ZFAND3: variants seen among roughly 807,000 people sequenced by gnomAD.
The protein encoded by ZFAND3 is zinc finger AN1-type containing 3, also known as AN1-type zinc finger protein 3.
Under a neutral mutation model 29.6 loss-of-function variants are expected in ZFAND3, and 10 were observed. That is an observed-to-expected ratio of 0.34 (90% CI 0.21 to 0.57). The LOEUF is 0.57. ZFAND3 is among the 20% of genes least tolerant of loss of function. The pLI is 0.86. For synonymous variants in ZFAND3, 128 were observed against 112.6 expected (o/e 1.14, Z -0.87); for missense variants, 230 against 304.5 (o/e 0.76, Z 1.82).
At chr6:38,144,189 AT>A (rs1562015726) in intron 5 of ZFAND3, among the ~76,000 whole-genome samples, 4 of 41,772 alleles carry the variant, frequency 9.6e-5, no homozygotes, top group Admixed American at 3.8e-4. Flanking sequence ...TATATAATAT[AT>A]ATATATATAT....
intron 5 of ZFAND3, among the ~76,000 whole-genome samples, chr6:38,150,647 C>T (rs943009727): frequency 5.9e-5 from 9 of 152,194 alleles, no homozygotes; most frequent in African/African-American, 1.4e-4. Context: ...TGCTTGGGCT[C>T]TTGCTGTTCT....
intron 3 of ZFAND3, among the ~76,000 whole-genome samples, chr6:38,080,428 A>G (rs919247365): frequency 2.0e-5 from 3 of 152,162 alleles, no homozygotes; most frequent in African/African-American, 7.2e-5. Flanking sequence ...AGTAGATAAC[A>G]GTGTGATTCT....
chr6:38,141,797 T>A (rs1765962119), intron 5 of ZFAND3, among the ~76,000 whole-genome samples: 1 of 151,436 alleles, frequency 6.6e-6, no homozygotes, highest in South Asian at 2.1e-4. Flanking sequence ...GGGAAGGGGG[T>A]CAGAGTCATA....
At chr6:38,032,794 G>T (rs1056068160) in intron 2 of ZFAND3, among the ~76,000 whole-genome samples, 3 of 152,166 alleles carry the variant, frequency 2.0e-5, no homozygotes, top group African/African-American at 7.2e-5. Flanking sequence ...TACCATGAAC[G>T]TAGAAAACTT....
intron 1 of ZFAND3, among the ~76,000 whole-genome samples, chr6:37,920,758 A>G (rs565682867): frequency 6.6e-6 from 1 of 152,346 alleles, no homozygotes; most frequent in South Asian, 2.1e-4. Context: ...CATGGTCTGA[A>G]TGATTTAGAG....
At chr6:37,967,403 G>A (rs992809257) in intron 2 of ZFAND3, among the ~76,000 whole-genome samples, 1 of 152,082 alleles carries the variant, frequency 6.6e-6, no homozygotes. Flanking sequence ...AGCTCACCTT[G>A]TACTTTCTGC....
chr6:37,890,948 C>T lies in ZFAND3; in HGVS notation c.72-39011C>T, dbSNP rs536211471. On this transcript the variant is annotated intron_variant, in intron 1 of 5. Coordinates refer to ENST00000287218, the MANE Select transcript of ZFAND3 (RefSeq NM_021943.3). ...CACACTAATCTCTTTACAGAAACAT[C>T]GGAAGATGAGCAGAAACTGTCAGAA... is the stretch of plus-strand genomic sequence containing the variant. Among the ~76,000 whole-genome samples, 152 of 152,306 alleles carry T rather than the reference C, an allele frequency of 1.0e-3. 1 individual carries two copies. Among genetic ancestry groups the T allele is most frequent in the Non-Finnish European group, 1.7e-3 (118 of 68,022 alleles).
intron 2 of ZFAND3, among the ~76,000 whole-genome samples, chr6:38,034,028 A>G (rs1036900435): frequency 6.6e-6 from 1 of 152,124 alleles, no homozygotes; most frequent in Non-Finnish European, 1.5e-5. Context: ...TTGTGCATTG[A>G]TTTTCTAACC....
chr6:37,924,981 G>T (rs1487665887), intron 1 of ZFAND3, among the ~76,000 whole-genome samples: 1 of 152,006 alleles, frequency 6.6e-6, no homozygotes, highest in Non-Finnish European at 1.5e-5. Context: ...CAGAGAAAAG[G>T]CAAGCATGGT....
At chr6:38,131,688 C>A (rs1765745561) in intron 5 of ZFAND3, among the ~76,000 whole-genome samples, 1 of 152,232 alleles carries the variant, frequency 6.6e-6, no homozygotes, top group South Asian at 2.1e-4. Context: ...CTCAAAAAAT[C>A]TCAGCAGGCA....
At chr6:37,874,621 C>T (rs1764759643) in intron 1 of ZFAND3, among the ~76,000 whole-genome samples, 1 of 152,040 alleles carries the variant, frequency 6.6e-6, no homozygotes, top group Non-Finnish European at 1.5e-5. Context: ...CTCTGTAAGA[C>T]CCCATGTCCA....
chr6:38,020,805 A>G (rs1205441988), intron 2 of ZFAND3, among the ~76,000 whole-genome samples: 5 of 152,158 alleles, frequency 3.3e-5, no homozygotes, highest in African/African-American at 1.2e-4. Flanking sequence ...CTGCCAGGAT[A>G]TGTCCACTAC....
intron 1 of ZFAND3, among the ~76,000 whole-genome samples, chr6:37,828,441 A>G (rs1763797425): frequency 6.6e-6 from 1 of 152,192 alleles, no homozygotes; most frequent in African/African-American, 2.4e-5. Flanking sequence ...GTACTGGCAA[A>G]ATCGTCTCCT....
intron 2 of ZFAND3, among the ~76,000 whole-genome samples, chr6:37,954,037 A>T (rs1762044561): frequency 6.6e-6 from 1 of 152,146 alleles, no homozygotes; most frequent in Non-Finnish European, 1.5e-5. Context: ...TATTTTAAAG[A>T]TACTGCTCCA....
intron 2 of ZFAND3, among the ~76,000 whole-genome samples, chr6:37,950,612 C>T (rs964331503): frequency 2.0e-5 from 3 of 152,242 alleles, no homozygotes; most frequent in Admixed American, 1.3e-4. Flanking sequence ...CTCCTGACCT[C>T]AGGTGATCCA....
chr6:37,883,878 G>A (rs905636146), intron 1 of ZFAND3, among the ~76,000 whole-genome samples: 2 of 144,824 alleles, frequency 1.4e-5, no homozygotes, highest in Non-Finnish European at 3.0e-5. Flanking sequence ...CCTTTCTCCC[G>A]TCCACCTAAC....
intron 2 of ZFAND3, among the ~76,000 whole-genome samples, chr6:38,021,922 A>T (rs191326434): frequency 4.9e-4 from 75 of 152,330 alleles, no homozygotes; most frequent in Admixed American, 1.8e-3. Flanking sequence ...AGTATTTAGG[A>T]GACCATCAAT....
chr6:38,058,250 G>A (rs1011031346), intron 2 of ZFAND3, among the ~76,000 whole-genome samples: 2 of 152,098 alleles, frequency 1.3e-5, no homozygotes, highest in Non-Finnish European at 2.9e-5. Context: ...ATGCTAGATG[G>A]TACAGTGATG....
At position 37,953,441 on chromosome 6, in the gene ZFAND3, C is replaced by CTTTTT. The variant is rs35182018; in HGVS notation, c.112+23457_112+23461dup. Reference sequence around the variant, plus strand: ...ATACGTTTTACTTTTGCATAATTATCTTTTTTTTTTTTTTTTTTTGGCCTT... The same window carrying CTTTTT: ...ATACGTTTTACTTTTGCATAATTATCTTTTTTTTTTTTTTTTTTTTTTTTGGCCTT... On this transcript the variant is annotated intron_variant, in intron 2 of 5. Coordinates refer to ENST00000287218, the MANE Select transcript of ZFAND3 (RefSeq NM_021943.3). Among the ~76,000 whole-genome samples, 74 of 106,192 alleles carry CTTTTT rather than the reference C, an allele frequency of 7.0e-4. 2 individuals are homozygous for CTTTTT. Among genetic ancestry groups the CTTTTT allele is most frequent in the Middle Eastern group, 6.7e-3 (1 of 150 alleles). 69.7% of individuals were successfully genotyped at this position (106,192 alleles called of 152,430 possible).
Sources: allele counts gnomAD v4.1 joint callset (sites outside exome capture counted in the v4.1 genomes callset), GRCh38; gene constraint gnomAD v4.1.1; transcripts MANE v1.5; gene names NCBI Gene and HGNC (gene_info 2026-07-23, HGNC 2026-07-21).